LRP12: variants seen among roughly 807,000 people sequenced by gnomAD.
LRP12 encodes low-density lipoprotein receptor-related protein 12.
A neutral mutation model predicts 66.0 loss-of-function variants in LRP12; 14 were observed. The observed-to-expected ratio is 0.21, with a 90% CI of 0.14 to 0.33. The LOEUF is 0.33. Ranked by LOEUF, LRP12 falls within the 10% of genes least tolerant of loss-of-function variation. The pLI, the probability that LRP12 is intolerant of heterozygous loss-of-function variation, is 1.00. For missense variants in LRP12, 889 were observed against 1,053.4 expected (o/e 0.84, Z 2.16); for synonymous variants, 357 against 359.1 (o/e 0.99, Z 0.07).
At chr8:104,552,412 G>C (rs1315508612) in intron 1 of LRP12, among the ~76,000 whole-genome samples, 1 of 148,454 alleles carries the variant, frequency 6.7e-6, no homozygotes, top group African/African-American at 2.5e-5. Flanking sequence ...GTTCATGCCT[G>C]TAATCCCAGC....
At chr8:104,559,120 G>A (rs1223497956) in intron 1 of LRP12, among the ~76,000 whole-genome samples, 1 of 152,102 alleles carries the variant, frequency 6.6e-6, no homozygotes, top group Non-Finnish European at 1.5e-5. Flanking sequence ...TCTACCCAGA[G>A]GAAAAGAAGT....
chr8:104,548,282 ATATATCATATATTTATAT>A (rs1564142017), intron 1 of LRP12, among the ~76,000 whole-genome samples: 1 of 86,306 alleles, frequency 1.2e-5, no homozygotes, highest in South Asian at 3.0e-4. Context: ...TATTATATTA[ATATATCATATATTTATAT>A]AATATATATT....
chr8:104,580,301 G>C (rs988512481), intron 1 of LRP12, among the ~76,000 whole-genome samples: 3 of 151,206 alleles, frequency 2.0e-5, no homozygotes, highest in African/African-American at 7.3e-5. Context: ...TGGATCACGA[G>C]GTCAGGAGAT....
At chr8:104,583,609 T>TC (rs1210971428) in intron 1 of LRP12, among the ~76,000 whole-genome samples, 1 of 152,188 alleles carries the variant, frequency 6.6e-6, no homozygotes, top group Non-Finnish European at 1.5e-5. Flanking sequence ...AGGTTTTATC[T>TC]AACACAGTGC....
chr8:104,549,654 G>A (rs973377991), intron 1 of LRP12, among the ~76,000 whole-genome samples: 18 of 152,004 alleles, frequency 1.2e-4, no homozygotes, highest in African/African-American at 2.7e-4. Flanking sequence ...CGCCCGCCTC[G>A]GCCTCCCAAA....
intron 2 of LRP12, among the ~76,000 whole-genome samples, chr8:104,511,399 C>T (rs1416560779): frequency 6.6e-6 from 1 of 151,654 alleles, no homozygotes; most frequent in Non-Finnish European, 1.5e-5. Context: ...AGTGCAGTGG[C>T]TATTCACAGG....
intron 1 of LRP12, among the ~76,000 whole-genome samples, chr8:104,553,497 T>C (rs1029636773): frequency 3.9e-5 from 6 of 152,126 alleles, no homozygotes; most frequent in Non-Finnish European, 8.8e-5. Context: ...GCGACCTGTA[T>C]GATACAGCAG....
intron 2 of LRP12, among the ~76,000 whole-genome samples, chr8:104,528,211 A>T (rs1372888647): frequency 1.3e-5 from 2 of 152,236 alleles, no homozygotes; most frequent in African/African-American, 4.8e-5. Context: ...CCAGCAGGGC[A>T]CTGAGCACCG....
chr8:104,521,652 C>T (rs1247414901), intron 2 of LRP12, among the ~76,000 whole-genome samples: 1 of 150,850 alleles, frequency 6.6e-6, no homozygotes, highest in East Asian at 1.9e-4. Flanking sequence ...TCTCATATTC[C>T]CTACTCATTT....
chr8:104,548,434 A>C (rs1380915304), intron 1 of LRP12, among the ~76,000 whole-genome samples: 1 of 113,210 alleles, frequency 8.8e-6, no homozygotes, highest in Non-Finnish European at 1.6e-5. Flanking sequence ...TAAAATATAT[A>C]ATTCTATATT....
intron 1 of LRP12, among the ~76,000 whole-genome samples, chr8:104,573,367 C>T (rs1812111654): frequency 6.6e-6 from 1 of 152,154 alleles, no homozygotes; most frequent in African/African-American, 2.4e-5. Context: ...GAGCTCAGTC[C>T]TCATTTAGCA....
rs1314198247 is a variant in LRP12, at chr8:104,489,784, GA to G, written c.*888del. The stretch of plus-strand genomic sequence containing the variant: ...TAGTGCTTGTGCACTAAGCTCATCT[GA>G]GACCTTGATATAATTTTAGTGCAAA... On this transcript the variant is annotated 3_prime_UTR_variant, in exon 7 of 7. Coordinates refer to ENST00000276654, the MANE Select transcript of LRP12 (RefSeq NM_013437.5). The G allele has an allele frequency of 3.9e-5, 6 of 152,530 alleles. No individual in the cohort carries two copies. 9.4% of individuals were successfully genotyped at this position (152,530 alleles called of 1,614,324 possible).
At chr8:104,536,403 T>C (rs1811393054) in intron 1 of LRP12, among the ~76,000 whole-genome samples, 1 of 152,032 alleles carries the variant, frequency 6.6e-6, no homozygotes, top group African/African-American at 2.4e-5. Flanking sequence ...TTTATCTGTG[T>C]AATGCCTATA....
intron 2 of LRP12, among the ~76,000 whole-genome samples, chr8:104,512,233 C>T (rs1448131632): frequency 6.6e-6 from 1 of 152,182 alleles, no homozygotes; most frequent in Non-Finnish European, 1.5e-5. Flanking sequence ...AGGAGAATTG[C>T]TTGAACCTGA....
At chr8:104,554,511 T>C (rs1344805185) in intron 1 of LRP12, among the ~76,000 whole-genome samples, 1 of 151,674 alleles carries the variant, frequency 6.6e-6, no homozygotes, top group South Asian at 2.1e-4. Flanking sequence ...ACAGAACAAG[T>C]AGAAGAAAAA....
At chr8:104,578,703 G>A (rs1467282506) in intron 1 of LRP12, among the ~76,000 whole-genome samples, 1 of 152,096 alleles carries the variant, frequency 6.6e-6, no homozygotes, top group Non-Finnish European at 1.5e-5. Flanking sequence ...ACCAAATCCA[G>A]TAGCACATCA....
intron 1 of LRP12, among the ~76,000 whole-genome samples, chr8:104,572,599 A>G (rs1812098888): frequency 6.6e-6 from 1 of 152,146 alleles, no homozygotes; most frequent in Non-Finnish European, 1.5e-5. Flanking sequence ...AATGACAGAC[A>G]AGAGACAGAT....
intron 1 of LRP12, among the ~76,000 whole-genome samples, chr8:104,585,810 G>A (rs531673649): frequency 6.6e-6 from 1 of 152,312 alleles, no homozygotes; most frequent in Non-Finnish European, 1.5e-5. Context: ...AAACAGAAGT[G>A]GAAAGGATAA....
intron 1 of LRP12, among the ~76,000 whole-genome samples, chr8:104,570,043 A>G (rs1030860154): frequency 4.6e-5 from 7 of 152,150 alleles, no homozygotes; most frequent in African/African-American, 1.4e-4. Flanking sequence ...ATTATTTCCT[A>G]TAACTCCCCC....
Sources: allele counts gnomAD v4.1 joint callset (sites outside exome capture counted in the v4.1 genomes callset), GRCh38; gene constraint gnomAD v4.1.1; transcripts MANE v1.5; gene names NCBI Gene and HGNC (gene_info 2026-07-23, HGNC 2026-07-21).